The following UBE2E3 variants were observed in gnomAD, a reference collection of about 807,000 sequenced individuals.
UBE2E3 encodes ubiquitin conjugating enzyme E2 E3, also known as ubiquitin-conjugating enzyme E2 E3.
UBE2E3 carries 5 observed loss-of-function variants against 23.6 expected under a neutral mutation model. The observed-to-expected ratio is 0.21, with a 90% CI of 0.11 to 0.44. The LOEUF is 0.44. Ranked by LOEUF, UBE2E3 falls within the 20% of genes least tolerant of loss-of-function variation. The probability of loss-of-function intolerance (pLI) is 0.99; values close to 1 mark genes in which losing one functional copy is unlikely to be tolerated. For missense variants in UBE2E3, 81 were observed against 249.8 expected, an observed-to-expected ratio of 0.32 and a Z score of 4.55; for synonymous variants, 78 against 87.5, an observed-to-expected ratio of 0.89 and a Z score of 0.60.
intron 3 of UBE2E3, among the ~76,000 whole-genome samples, chr2:181,043,705 C>T (rs2105464935): frequency 6.6e-6 from 1 of 152,124 alleles, no homozygotes; most frequent in South Asian, 2.1e-4. Context: ...TTATTTCCAC[C>T]CATCCTCTTT....
intron 4 of UBE2E3, among the ~76,000 whole-genome samples, chr2:181,059,263 T>G (rs1687065198): frequency 6.6e-6 from 1 of 151,746 alleles, no homozygotes; most frequent in Non-Finnish European, 1.5e-5. Flanking sequence ...TAAATCTTTT[T>G]GAAGTTTGGA....
intron 3 of UBE2E3, among the ~76,000 whole-genome samples, chr2:181,003,161 A>C (rs1685038880): frequency 6.6e-6 from 1 of 152,328 alleles, no homozygotes; most frequent in South Asian, 2.1e-4. Context: ...TAGTATTCCC[A>C]GATAGAGGAG....
At chr2:180,987,945 A>AAGT (rs1429622816) in intron 3 of UBE2E3, among the ~76,000 whole-genome samples, 8 of 152,118 alleles carry the variant, frequency 5.3e-5, no homozygotes, top group African/African-American at 1.9e-4. Flanking sequence ...TTGTATATAT[A>AAGT]AGTAGGTTTG....
chr2:181,040,330 C>T (rs1686448388), intron 3 of UBE2E3, among the ~76,000 whole-genome samples: 1 of 152,156 alleles, frequency 6.6e-6, no homozygotes, highest in African/African-American at 2.4e-5. Context: ...TGCATTTAGC[C>T]TTTTCATAAC....
At chr2:180,992,019 C>T (rs1446805013) in intron 3 of UBE2E3, among the ~76,000 whole-genome samples, 4 of 152,190 alleles carry the variant, frequency 2.6e-5, no homozygotes, top group Admixed American at 2.0e-4. Context: ...GTGACCATGA[C>T]TGAAATTACT....
intron 3 of UBE2E3, among the ~76,000 whole-genome samples, chr2:181,051,116 T>C (rs915841472): frequency 2.0e-5 from 3 of 151,916 alleles, no homozygotes; most frequent in Non-Finnish European, 4.4e-5. Context: ...TTTCATACTT[T>C]CACGGTGTAT....
rs188397236 is a variant in UBE2E3 at position 181,010,984 on chromosome 2, G to A, written c.245+26891G>A. ...CTGAAGGCTTGCCAGCTTCAACTTCGCATCATACAACAGCCAGAGCTTTCA... is the reference window on the plus strand; with the variant it reads ...CTGAAGGCTTGCCAGCTTCAACTTCACATCATACAACAGCCAGAGCTTTCA... On this transcript the variant is annotated intron_variant, in intron 3 of 5. Coordinates refer to ENST00000410062, the MANE Select transcript of UBE2E3 (RefSeq NM_006357.4). 1.1e-3 allele frequency among the ~76,000 whole-genome samples: 160 copies of A among 152,004 alleles called. 2 individuals are homozygous for A. In the South Asian group the frequency reaches 0.015, roughly 14 times the overall value.
intron 3 of UBE2E3, among the ~76,000 whole-genome samples, chr2:180,991,987 A>AG (rs1684672154): frequency 6.6e-6 from 1 of 152,204 alleles, no homozygotes; most frequent in Non-Finnish European, 1.5e-5. Context: ...ATAGGTAGGG[A>AG]CTGCTCTGCT....
In UBE2E3 at chr2:181,026,092, C is replaced by T. The variant is rs16867378; in HGVS notation, c.246-31601C>T. On this transcript the variant is annotated intron_variant, in intron 3 of 5. Coordinates refer to ENST00000410062, the MANE Select transcript of UBE2E3 (RefSeq NM_006357.4). The stretch of plus-strand genomic sequence containing the variant: ...GACAGTAGATTTGGGGAGGCTTTTG[C>T]GTAGAATCAAATCTGTTGGGATAAT... Among the ~76,000 whole-genome samples the T allele has an allele frequency of 6.6e-3, 1,007 of 151,828 alleles. 5 individuals are homozygous for T. Among genetic ancestry groups the T allele is most frequent in the Middle Eastern group, 0.017 (5 of 294 alleles).
chr2:180,981,082 C>T (rs1251548013), intron 1 of UBE2E3, 109 bp downstream of exon 1: 1 of 143,950 alleles, frequency 6.9e-6, no homozygotes, highest in African/African-American at 2.5e-5. Context: ...CCCGCGTCGC[C>T]GGTGTCCGCG....
Position 181,042,623 on chromosome 2 carries a change from C to T in UBE2E3, c.246-15070C>T, listed in dbSNP as rs1686549901. Reference sequence around the variant, plus strand: ...GAACAGGTTAGAATTCAGGTTCTGCCACGTATTAGCTCTGGAGCCTTGAGC... The same window carrying T: ...GAACAGGTTAGAATTCAGGTTCTGCTACGTATTAGCTCTGGAGCCTTGAGC... On this transcript the variant is annotated intron_variant, in intron 3 of 5. Transcript: ENST00000410062. 1.3e-5 allele frequency among the ~76,000 whole-genome samples: 2 copies of T among 152,098 alleles called. 1 individual carries two copies. The highest frequency in any genetic ancestry group is 4.1e-4 in the South Asian group (2 of 4,824).
At chr2:180,987,068 G>C (rs1684495344) in intron 3 of UBE2E3, among the ~76,000 whole-genome samples, 1 of 152,074 alleles carries the variant, frequency 6.6e-6, no homozygotes, top group Admixed American at 6.6e-5. Context: ...GTAAAAGTTT[G>C]ATAATGACGT....
intron 3 of UBE2E3, among the ~76,000 whole-genome samples, chr2:181,051,278 A>C (rs1286465937): frequency 1.3e-5 from 2 of 151,800 alleles, no homozygotes; most frequent in African/African-American, 2.4e-5. Flanking sequence ...TAGGTCATTC[A>C]TTTTAATTGC....
intron 3 of UBE2E3, among the ~76,000 whole-genome samples, chr2:181,035,815 AC>A (rs1686257946): frequency 6.6e-6 from 1 of 152,166 alleles, no homozygotes; most frequent in African/African-American, 2.4e-5. Flanking sequence ...AAGGGTTTTT[AC>A]CACAGGAACA....
At chr2:180,989,805 C>G (rs927975874) in intron 3 of UBE2E3, 1 of 1,408,480 alleles carries the variant, frequency 7.1e-7, no homozygotes, top group Non-Finnish European at 9.4e-7. Context: ...AGTCATATTC[C>G]TCTCATAACC....
At position 180,996,216 on chromosome 2, in the gene UBE2E3, A is replaced by G. The variant is rs1684817612; in HGVS notation, c.245+12123A>G. On this transcript the variant is annotated intron_variant, in intron 3 of 5. Transcript: ENST00000410062. The stretch of plus-strand genomic sequence containing the variant: ...AATGCGAGTACATACATTCAACTTA[A>G]CCATTGCTCTAGGTATTATTTTGAA... 2.0e-5 allele frequency among the ~76,000 whole-genome samples: 3 copies of G among 152,300 alleles called. No homozygotes were observed. The South Asian group carries it at 6.2e-4, about 32-fold the overall frequency.
At chr2:180,990,495 C>A (rs1210868688) in intron 3 of UBE2E3, among the ~76,000 whole-genome samples, 1 of 152,200 alleles carries the variant, frequency 6.6e-6, no homozygotes, top group African/African-American at 2.4e-5. Context: ...GCTGATTCTT[C>A]ACTTCCTGCT....
chr2:181,046,003 T>G (rs1042190896), intron 3 of UBE2E3, among the ~76,000 whole-genome samples: 2 of 152,212 alleles, frequency 1.3e-5, no homozygotes, highest in Non-Finnish European at 2.9e-5. Flanking sequence ...TAATTTTGTG[T>G]TGTTCAGTAT....
chr2:181,019,384 A>C (rs1055721388), intron 3 of UBE2E3, among the ~76,000 whole-genome samples: 6 of 152,248 alleles, frequency 3.9e-5, no homozygotes, highest in Non-Finnish European at 8.8e-5. Flanking sequence ...AAGCATATTA[A>C]CCTTGCATTA....
Sources: gnomAD v4.1 joint callset for allele counts (sites outside exome capture counted in the v4.1 genomes callset) on GRCh38, gnomAD v4.1.1 for gene constraint, MANE v1.5 for transcripts, NCBI Gene and HGNC (gene_info 2026-07-23, HGNC 2026-07-21) for gene names.